HGSNAT: variants seen among roughly 807,000 people sequenced by gnomAD.
The protein encoded by HGSNAT is transmembrane protein 76.
In HGSNAT, 59 loss-of-function variants were observed where a neutral mutation model predicts 85.2. The ratio of observed to expected loss-of-function variants is 0.69; its 90% CI spans 0.56 to 0.86. The LOEUF is 0.86. Ranked by LOEUF, HGSNAT falls within the 40% of genes least tolerant of loss-of-function variation. The pLI is 0.00. For missense variants in HGSNAT, 756 were observed against 777.1 expected, an observed-to-expected ratio of 0.97 and a Z score of 0.32; for synonymous variants, 321 against 304.5, an observed-to-expected ratio of 1.05 and a Z score of -0.56.
chr8:43,170,467 G>A (rs1023880709), intron 6 of HGSNAT, 118 bp from the exon 7 acceptor site: 36 of 917,052 alleles, frequency 3.9e-5, no homozygotes, highest in Middle Eastern at 4.9e-4. Context: ...GCCACAGAGC[G>A]AGACTCTGTC....
At chr8:43,194,585 C>T in intron 14 of HGSNAT, 1 of 934,372 alleles carries the variant, frequency 1.1e-6, no homozygotes, top group Non-Finnish European at 1.3e-6. Context: ...GTTCATTTGT[C>T]TGGTGAGGGT....
rs144890413 is a variant in HGSNAT at position 43,189,437 on chromosome 8, A to G, written c.1129-2037A>G. On this transcript the variant is annotated intron_variant, in intron 11 of 17. Coordinates refer to ENST00000379644, the MANE Select transcript of HGSNAT (RefSeq NM_152419.3). ...GTGGGCGTGGGACCCTCCGAGCCAG[A>G]TGCAAGATATAATCTCCTGGTGTGC... Among the ~76,000 whole-genome samples, 667 of 152,298 alleles carry G rather than the reference A, an allele frequency of 4.4e-3. 8 individuals are homozygous for G. The highest frequency in any genetic ancestry group is 0.015 in the African/African-American group (637 of 41,570).
At chr8:43,150,566 G>A (rs1375701255) in intron 2 of HGSNAT, among the ~76,000 whole-genome samples, 1 of 152,096 alleles carries the variant, frequency 6.6e-6, no homozygotes, top group Non-Finnish European at 1.5e-5. Flanking sequence ...AGGCGCGGTG[G>A]CTCACACCTG....
At chr8:43,177,816 T>C (rs1803866053) in intron 9 of HGSNAT, among the ~76,000 whole-genome samples, 1 of 152,086 alleles carries the variant, frequency 6.6e-6, no homozygotes. Flanking sequence ...AATGGGAGGG[T>C]TGTCTTTGGA....
rs376936580 is a variant in HGSNAT, at chr8:43,195,521, AGAG to A, written c.1465-1421_1465-1419del. Among the ~76,000 whole-genome samples the A allele has an allele frequency of 5.3e-3, 651 of 121,968 alleles. 3 individuals carry two copies. The highest frequency in any genetic ancestry group is 0.018 in the African/African-American group (606 of 33,118). 80.0% of individuals were successfully genotyped at this position (121,968 alleles called of 152,430 possible). On this transcript the variant is annotated intron_variant, in intron 14 of 17. Transcript: ENST00000379644. The stretch of plus-strand genomic sequence containing the variant: ...AAGAGGAGGAGGAGGAGGAGGAAGA[AGAG>A]GAGGAAGAGGAGGAGGGAGTAGAGG...
At chr8:43,161,542 A>G (rs776588141) in intron 5 of HGSNAT, 35 bp downstream of exon 5, 3 of 1,529,612 alleles carry the variant, frequency 2.0e-6, no homozygotes, top group Admixed American at 3.7e-5. Flanking sequence ...CTGGAAAGGC[A>G]GAGTATAGAA....
chr8:43,170,515 CA>C, intron 6 of HGSNAT, 69 bp from the exon 7 acceptor site: 1 of 1,261,320 alleles, frequency 7.9e-7, no homozygotes, highest in Non-Finnish European at 1.1e-6. Context: ...ACAAAGAAAT[CA>C]AAAAATGACA....
chr8:43,165,239 A>G (rs1353345217), intron 5 of HGSNAT, among the ~76,000 whole-genome samples: 1 of 151,952 alleles, frequency 6.6e-6, no homozygotes, highest in Non-Finnish European at 1.5e-5. Flanking sequence ...GTGATCTGTG[A>G]TCAATGATCT....
In HGSNAT at chr8:43,146,962, A is replaced by G; in HGVS notation, c.133A>G (p.Arg45Gly). The change falls in exon 2 of 18, where the codon AGA (arginine) becomes GGA (glycine). Residue 45 changes from arginine to glycine, a missense_variant. Arg to Gly is a moderately radical substitution (Grantham distance 125). Transcript: ENST00000379644. ...AAPPRDLDKK[R>G]HAELKMDQAL... ...ATTTCTACCAGACTTAGACAAAAAA[A>G]GACATGCAGAGCTGAAGATGGATCA... is the stretch of plus-strand genomic sequence containing the variant. The G allele has an allele frequency of 6.3e-7, 1 of 1,594,894 alleles. No homozygotes were observed. Among genetic ancestry groups the G allele is most frequent in the Non-Finnish European group, 8.5e-7 (1 of 1,172,670 alleles).
At chr8:43,173,650 C>T (rs1335978261) in intron 8 of HGSNAT, 63 bp from the exon 9 acceptor site, 24 of 1,552,252 alleles carry the variant, frequency 1.5e-5, no homozygotes, top group Non-Finnish European at 2.1e-5. Flanking sequence ...GAAGTCCACA[C>T]TAGATTTAGG....
intron 2 of HGSNAT, among the ~76,000 whole-genome samples, chr8:43,149,085 C>T (rs1462073246): frequency 1.3e-5 from 2 of 151,604 alleles, no homozygotes; most frequent in East Asian, 3.9e-4. Flanking sequence ...CACTGCACTC[C>T]AGCCTGGGCA....
intron 14 of HGSNAT, chr8:43,196,357 C>A: frequency 1.5e-6 from 1 of 654,254 alleles, no homozygotes; most frequent in Non-Finnish European, 2.4e-6. Context: ...GTCCATATTT[C>A]ACTGTTTTTA....
intron 1 of HGSNAT, among the ~76,000 whole-genome samples, chr8:43,144,661 T>C (rs549861589): frequency 3.9e-5 from 6 of 152,266 alleles, no homozygotes; most frequent in African/African-American, 1.2e-4. Flanking sequence ...GAAAAAATGA[T>C]TGTGAAAGCT....
At chr8:43,163,388 G>A (rs965217060) in intron 5 of HGSNAT, among the ~76,000 whole-genome samples, 4 of 152,018 alleles carry the variant, frequency 2.6e-5, no homozygotes, top group African/African-American at 9.7e-5. Flanking sequence ...TCAGATGACT[G>A]TGAGCCAAAA....
intron 1 of HGSNAT, among the ~76,000 whole-genome samples, chr8:43,142,928 C>G (rs915477158): frequency 6.6e-6 from 1 of 152,120 alleles, no homozygotes. Flanking sequence ...ATTCCATCTA[C>G]GAAGGGATGA....
intron 10 of HGSNAT, among the ~76,000 whole-genome samples, chr8:43,181,242 A>C (rs1264049753): frequency 1.4e-5 from 2 of 142,832 alleles, no homozygotes; most frequent in Non-Finnish European, 3.1e-5. Flanking sequence ...AGAGCATTTC[A>C]TCAGCTTTCG....
intron 10 of HGSNAT, among the ~76,000 whole-genome samples, chr8:43,179,189 C>G (rs1471421475): frequency 6.7e-6 from 1 of 150,374 alleles, no homozygotes; most frequent in Non-Finnish European, 1.5e-5. Context: ...TAGGGGCGGC[C>G]GGGCAGAAGC....
Position 43,197,853 on chromosome 8 carries a change from G to A in HGSNAT, c.1627G>A (p.Val543Ile), listed in dbSNP as rs1474395065. ...CACCCCTCCCAGGTCCCTTTCGTAT[G>A]TCACTACGCTCAGTTCTTTTGCCTT... ...VNKNLWSLSYVTTLSSFAFFI... is the reference protein window; with the variant it reads ...VNKNLWSLSYITTLSSFAFFI... Residue 543 changes from valine to isoleucine, a missense_variant, in exon 17 of 18, where the codon GTC (valine) becomes ATC (isoleucine). Physicochemically the swap from Val to Ile is conservative, Grantham distance 29. Transcript: ENST00000379644. 1 of 1,613,946 alleles carries A rather than the reference G, an allele frequency of 6.2e-7. No individual in the cohort carries two copies. Among genetic ancestry groups the A allele is most frequent in the Non-Finnish European group, 8.5e-7 (1 of 1,179,836 alleles).
chr8:43,165,344 A>G (rs1030521915), intron 5 of HGSNAT, among the ~76,000 whole-genome samples: 2 of 151,966 alleles, frequency 1.3e-5, no homozygotes, highest in African/African-American at 4.8e-5. Context: ...TGACTGTTCC[A>G]CCCACTGACT....
Sources: gnomAD v4.1 joint callset for allele counts (sites outside exome capture counted in the v4.1 genomes callset) on GRCh38, gnomAD v4.1.1 for gene constraint, MANE v1.5 for transcripts, NCBI Gene and HGNC (gene_info 2026-07-23, HGNC 2026-07-21) for gene names.